SIDT1: variants seen among roughly 807,000 people sequenced by gnomAD.
SIDT1 encodes SID1 transmembrane family, member 1.
A neutral mutation model predicts 107.5 loss-of-function variants in SIDT1; 101 were observed. That is an observed-to-expected ratio of 0.94 (90% CI 0.80 to 1.11). The LOEUF (loss-of-function observed/expected upper bound fraction) is 1.11. SIDT1 is among the 50% of genes least tolerant of loss of function. The pLI, the probability that SIDT1 is intolerant of heterozygous loss-of-function variation, is 0.00. For synonymous variants in SIDT1, 395 were observed against 398.2 expected (o/e 0.99, Z 0.10); for missense variants, 1,076 against 1,058.2 (o/e 1.02, Z -0.23).
intron 19 of SIDT1, among the ~76,000 whole-genome samples, chr3:113,613,692 T>C (rs1012891193): frequency 8.5e-5 from 13 of 152,200 alleles, no homozygotes; most frequent in African/African-American, 2.9e-4. Flanking sequence ...AAAAGGAAAA[T>C]AATTGGGAGC....
At chr3:113,534,314 A>T (rs1261163277) in intron 1 of SIDT1, among the ~76,000 whole-genome samples, 1 of 152,160 alleles carries the variant, frequency 6.6e-6, no homozygotes, top group Admixed American at 6.5e-5. Flanking sequence ...GGTGGTTTGT[A>T]TTGAGCAGGG....
At chr3:113,592,596 TTTTTC>T (rs1264244611) in intron 9 of SIDT1, 3 of 132,626 alleles carry the variant, frequency 2.3e-5, no homozygotes, top group South Asian at 2.3e-4. Context: ...TTTCTTTTTC[TTTTTC>T]TTTTTTTTTT....
intron 1 of SIDT1, among the ~76,000 whole-genome samples, chr3:113,565,881 T>C (rs758299713): frequency 6.6e-6 from 1 of 152,142 alleles, no homozygotes; most frequent in Non-Finnish European, 1.5e-5. Context: ...AAAATTGAAG[T>C]TTTTCAGCAA....
chr3:113,561,026 C>G (rs370794612), intron 1 of SIDT1, among the ~76,000 whole-genome samples: 3 of 152,286 alleles, frequency 2.0e-5, no homozygotes, highest in Admixed American at 6.5e-5. Flanking sequence ...TAAAAGTGTT[C>G]TTGTTGTCAT....
Position 113,623,483 on chromosome 3 carries a change from T to C in SIDT1, c.2147T>C (p.Ile716Thr). 6.2e-7 allele frequency: 1 copy of C among 1,614,170 alleles called. No individual in the cohort carries two copies. The highest frequency in any genetic ancestry group is 8.5e-7 in the Non-Finnish European group (1 of 1,180,022). Reference sequence around the variant, plus strand: ...GACTTTGCTTCCTACATGCTGGGCATCTTCATCTGTAACCTTTTGCTGTAC... The same window carrying C: ...GACTTTGCTTCCTACATGCTGGGCACCTTCATCTGTAACCTTTTGCTGTAC... ...PRDFASYMLGIFICNLLLYLA... is the reference protein window; with the variant it reads ...PRDFASYMLGTFICNLLLYLA... Residue 716 changes from isoleucine (I) to threonine (T), a missense_variant, in exon 22 of 25, where the codon ATC becomes ACC. Physicochemically the swap from Ile to Thr is moderately conservative, Grantham distance 89 (BLOSUM62 -1). Coordinates refer to ENST00000264852, the MANE Select transcript of SIDT1 (RefSeq NM_017699.3).
intron 1 of SIDT1, among the ~76,000 whole-genome samples, chr3:113,556,763 G>T (rs1201694820): frequency 6.6e-6 from 1 of 150,446 alleles, no homozygotes; most frequent in Non-Finnish European, 1.5e-5. Context: ...AAAGTTCCTA[G>T]TTACAGAGCT....
Position 113,612,090 on chromosome 3 carries a change from T to C in SIDT1, c.1862T>C (p.Phe621Ser), listed in dbSNP as rs1244079124. 1.2e-6 allele frequency: 2 copies of C among 1,613,624 alleles called. No individual in the cohort carries two copies. The highest frequency in any genetic ancestry group is 1.1e-5 in the South Asian group (1 of 91,078). The change falls in exon 19 of 25, where the codon TTT becomes TCT. Residue 621 changes from phenylalanine (F) to serine (S), a missense_variant. Coordinates refer to ENST00000264852, the MANE Select transcript of SIDT1 (RefSeq NM_017699.3). ...AACTTCCATCTTTACTCCTAGGTGT[T>C]TGGAAAAAATGACGTATGGTTCTGG... ...VIMVTVLGVV[F>S]GKNDVWFWVI...
chr3:113,580,505 T>C (rs1943242410), intron 4 of SIDT1, 103 bp from the exon 5 acceptor site: 2 of 721,642 alleles, frequency 2.8e-6, no homozygotes, highest in Non-Finnish European at 4.9e-6. Context: ...AATTCATTAA[T>C]GGAGATTCAC....
intron 3 of SIDT1, among the ~76,000 whole-genome samples, chr3:113,568,617 AAAAG>A (rs1942153609): frequency 6.6e-6 from 1 of 151,588 alleles, no homozygotes; most frequent in Non-Finnish European, 1.5e-5. Flanking sequence ...AAAAGAAAAG[AAAAG>A]AAAAGAAAAA....
chr3:113,595,578 C>T (rs193011302), intron 10 of SIDT1, among the ~76,000 whole-genome samples: 1,461 of 130,088 alleles, frequency 0.011, 7 homozygotes, highest in Non-Finnish European at 0.019. Context: ...GACCGTGTCT[C>T]AAAAAAAAAA....
intron 9 of SIDT1, among the ~76,000 whole-genome samples, chr3:113,590,733 A>G (rs1023786074): frequency 2.0e-5 from 3 of 152,238 alleles, no homozygotes; most frequent in African/African-American, 7.2e-5. Flanking sequence ...AAATAATAAA[A>G]TATTTTGGAG....
Position 113,608,458 on chromosome 3 carries a change from A to G in SIDT1, c.1642A>G (p.Met548Val). ...IPKHFGLFYA[M>V]GIALMMEGVL... ...CAAACACTTTGGTCTCTTCTACGCT[A>G]TGGGCATTGCATTGATGATGGAAGG... The change falls in exon 17 of 25, where the codon ATG (methionine) becomes GTG (valine). Residue 548 changes from methionine to valine, a missense_variant. By Grantham distance (21) the Met-to-Val change is conservative. Coordinates refer to ENST00000264852, the MANE Select transcript of SIDT1 (RefSeq NM_017699.3). 6.2e-7 allele frequency: 1 copy of G among 1,614,048 alleles called. No homozygotes were observed. The highest frequency in any genetic ancestry group is 1.1e-5 in the South Asian group (1 of 91,076).
chr3:113,567,584 G>A lies in SIDT1; in HGVS notation c.389G>A (p.Cys130Tyr), dbSNP rs1458735748. The change falls in exon 3 of 25, where the codon TGT (cysteine) becomes TAT (tyrosine). Residue 130 changes from cysteine (C) to tyrosine (Y), a missense_variant. Cys to Tyr is a radical substitution (Grantham distance 194). Coordinates refer to ENST00000264852, the MANE Select transcript of SIDT1 (RefSeq NM_017699.3). ...YNYQEVSRTL[C>Y]PSEATNETGP... ...TATCAAGAAGTGAGCCGCACCTTATGTCCCTCAGAAGCAACCAATGAGACG... is the reference window on the plus strand; with the variant it reads ...TATCAAGAAGTGAGCCGCACCTTATATCCCTCAGAAGCAACCAATGAGACG... The A allele has an allele frequency of 3.7e-6, 6 of 1,614,086 alleles. No individual in the cohort carries two copies. The highest frequency in any genetic ancestry group is 2.2e-5 in the East Asian group (1 of 44,886).
intron 9 of SIDT1, among the ~76,000 whole-genome samples, chr3:113,590,895 T>C (rs1047897325): frequency 2.6e-5 from 4 of 152,136 alleles, no homozygotes; most frequent in Non-Finnish European, 4.4e-5. Flanking sequence ...AGAATAATGG[T>C]CCCCAAAAGA....
rs542938871 is a variant in SIDT1, at chr3:113,548,689, G to A, written c.222+15446G>A. 1.1e-4 allele frequency among the ~76,000 whole-genome samples: 17 copies of A among 152,172 alleles called. 1 individual carries two copies. Among genetic ancestry groups the A allele is most frequent in the South Asian group, 1.0e-3 (5 of 4,830 alleles). On this transcript the variant is annotated intron_variant, in intron 1 of 24. Coordinates refer to ENST00000264852, the MANE Select transcript of SIDT1 (RefSeq NM_017699.3). ...CTCATCATCAAGGGTGGGAAGTTGCGAAAGAAGGTCCTCTGTACAAATGTT... is the reference window on the plus strand; with the variant it reads ...CTCATCATCAAGGGTGGGAAGTTGCAAAAGAAGGTCCTCTGTACAAATGTT...
At chr3:113,622,299 C>G (rs908940600) in intron 21 of SIDT1, among the ~76,000 whole-genome samples, 3 of 151,666 alleles carry the variant, frequency 2.0e-5, no homozygotes, top group African/African-American at 7.3e-5. Flanking sequence ...CCCGTCTCTA[C>G]TAAAAATACA....
rs750125578 is a variant in SIDT1, at chr3:113,603,991, A to G, written c.1295A>G (p.Lys432Arg). 1 of 1,612,094 alleles carries G rather than the reference A, an allele frequency of 6.2e-7. No homozygotes were observed. Among genetic ancestry groups the G allele is most frequent in the Non-Finnish European group, 8.5e-7 (1 of 1,178,910 alleles). Residue 432 changes from lysine (K) to arginine (R), a missense_variant, in exon 13 of 25, where the codon AAG (lysine) becomes AGG (arginine). Lys to Arg is a conservative substitution (Grantham distance 26). Coordinates refer to ENST00000264852, the MANE Select transcript of SIDT1 (RefSeq NM_017699.3). ...MFLYLSDLSRKDRRIVSKKYK... is the reference protein window; with the variant it reads ...MFLYLSDLSRRDRRIVSKKYK... ...CTTTACCTGTCAGATTTGTCCAGGAAGGACCGGAGAATTGTCAGCAAAAAA... is the reference window on the plus strand; with the variant it reads ...CTTTACCTGTCAGATTTGTCCAGGAGGGACCGGAGAATTGTCAGCAAAAAA...
chr3:113,634,832 A>G, the SIDT1 span, among the ~76,000 whole-genome samples: 1 of 152,196 alleles, frequency 6.6e-6, no homozygotes, highest in Admixed American at 6.5e-5. Flanking sequence ...TAACAAAAAG[A>G]AAAGCATTTT....
chr3:113,557,683 C>T (rs1451095243), intron 1 of SIDT1, among the ~76,000 whole-genome samples: 1 of 152,142 alleles, frequency 6.6e-6, no homozygotes, highest in Non-Finnish European at 1.5e-5. Context: ...GGGAGCATGG[C>T]CCAGCTAACA....
Sources: allele counts gnomAD v4.1 joint callset (sites outside exome capture counted in the v4.1 genomes callset), GRCh38; gene constraint gnomAD v4.1.1; transcripts MANE v1.5; gene names NCBI Gene and HGNC (gene_info 2026-07-23, HGNC 2026-07-21).